Variants in SH3KBP1 observed in about 807,000 individuals in gnomAD.
SH3KBP1 encodes the protein SH3 domain containing kinase binding protein 1, also known as SH3 domain-containing kinase-binding protein 1.
A neutral mutation model predicts 50.1 loss-of-function variants in SH3KBP1; 8 were observed. That is an observed-to-expected ratio of 0.16 (90% CI 0.09 to 0.29). The LOEUF (loss-of-function observed/expected upper bound fraction) is 0.29. Among genes scored for constraint, SH3KBP1 ranks in the 10% least tolerant of loss-of-function variants. The pLI is 1.00. For synonymous variants in SH3KBP1, 227 were observed against 218.6 expected (o/e 1.04, Z -0.34); for missense variants, 377 against 535.2 (o/e 0.70, Z 2.92).
At position 19,755,437 on chromosome X, in the gene SH3KBP1, A is replaced by T. The variant is rs754617083; in HGVS notation, c.163-8996T>A. 5.3e-5 allele frequency among the ~76,000 whole-genome samples: 6 copies of T among 112,150 alleles called. No homozygotes were observed. In the East Asian group the frequency reaches 1.7e-3, roughly 31 times the overall value. On this transcript the variant is annotated intron_variant, in intron 2 of 17. Transcript: ENST00000397821. ...TATAACATAGCAAACAACAACAACG[A>T]CAAAATTCATCAACGAAGACAAAAG...
At chrX:19,880,227 C>A (rs1023632705) in intron 1 of SH3KBP1, among the ~76,000 whole-genome samples, 2 of 113,171 alleles carry the variant, frequency 1.8e-5, no homozygotes, top group African/African-American at 6.4e-5. Context: ...CAGGAACTGT[C>A]AGCAAACAGA....
At chrX:19,557,369 T>C (rs1041946322) in intron 13 of SH3KBP1, among the ~76,000 whole-genome samples, 1 of 112,327 alleles carries the variant, frequency 8.9e-6, no homozygotes, top group African/African-American at 3.2e-5. Flanking sequence ...CATCAAAACG[T>C]GTAGCTCAAG....
chrX:19,877,146 T>C (rs955529807), intron 1 of SH3KBP1, among the ~76,000 whole-genome samples: 13 of 112,262 alleles, frequency 1.2e-4, no homozygotes, highest in African/African-American at 3.9e-4. Context: ...ATCTAATAGT[T>C]TGTTGAGAAC....
At chrX:19,772,114 TA>T (rs1029338136) in intron 2 of SH3KBP1, among the ~76,000 whole-genome samples, 3 of 110,746 alleles carry the variant, frequency 2.7e-5, no homozygotes, top group Non-Finnish European at 5.7e-5. Context: ...GTTGGTGGTT[TA>T]AAAAAAAGGA....
At chrX:19,781,279 G>C (rs894637453) in intron 2 of SH3KBP1, among the ~76,000 whole-genome samples, 1 of 111,238 alleles carries the variant, frequency 9.0e-6, no homozygotes, top group African/African-American at 3.3e-5. Context: ...TGATGGGATT[G>C]TCCTTCTCCA....
At chrX:19,788,981 G>T (rs1167168570) in intron 2 of SH3KBP1, among the ~76,000 whole-genome samples, 1 of 111,275 alleles carries the variant, frequency 9.0e-6, no homozygotes, top group Non-Finnish European at 1.9e-5. Context: ...AAAATTAGCC[G>T]GGCATGGTGG....
intron 3 of SH3KBP1, among the ~76,000 whole-genome samples, chrX:19,724,022 C>T (rs1425500442): frequency 1.8e-5 from 2 of 111,720 alleles, no homozygotes; most frequent in Non-Finnish European, 1.9e-5. Flanking sequence ...TTAAACAAAT[C>T]CCACTTTCCT....
intron 2 of SH3KBP1, among the ~76,000 whole-genome samples, chrX:19,802,269 T>C (rs2066915767): frequency 9.1e-6 from 1 of 109,805 alleles, no homozygotes; most frequent in Non-Finnish European, 1.9e-5. Flanking sequence ...GTGGCGCATG[T>C]CTGTAGTCCC....
chrX:19,757,550 ATTATC>A (rs972961654), intron 2 of SH3KBP1, among the ~76,000 whole-genome samples: 3 of 94,758 alleles, frequency 3.2e-5, no homozygotes, highest in East Asian at 6.0e-4. Context: ...ATTTGTCTAT[ATTATC>A]TTATGTCAAA....
chrX:19,658,630 T>C (rs938276129), intron 6 of SH3KBP1, among the ~76,000 whole-genome samples: 1 of 110,850 alleles, frequency 9.0e-6, no homozygotes, highest in Non-Finnish European at 1.9e-5. Context: ...AGTGGCGCGA[T>C]CTCAGCTCAC....
chrX:19,820,071 C>A (rs1312878871), intron 2 of SH3KBP1, among the ~76,000 whole-genome samples: 1 of 111,860 alleles, frequency 8.9e-6, no homozygotes, highest in African/African-American at 3.2e-5. Context: ...TCAAAGAACA[C>A]CTTTTTTATT....
intron 7 of SH3KBP1, among the ~76,000 whole-genome samples, chrX:19,642,599 A>G (rs1161804164): frequency 8.9e-6 from 1 of 112,134 alleles, no homozygotes; most frequent in East Asian, 2.8e-4. Flanking sequence ...AATATTCAAT[A>G]GCCCTTTGGG....
At chrX:19,647,680 C>T (rs980997757) in intron 6 of SH3KBP1, among the ~76,000 whole-genome samples, 1 of 111,357 alleles carries the variant, frequency 9.0e-6, no homozygotes, top group Non-Finnish European at 1.9e-5. Flanking sequence ...TAGAATATGG[C>T]AAAGTTTCTC....
At chrX:19,577,739 A>C (rs1234993290) in intron 12 of SH3KBP1, among the ~76,000 whole-genome samples, 1 of 107,362 alleles carries the variant, frequency 9.3e-6, no homozygotes, top group African/African-American at 3.4e-5. Flanking sequence ...AGCAGCCACA[A>C]AAAAAAAAAT....
At position 19,765,024 on chromosome X, in the gene SH3KBP1, C is replaced by T. The variant is rs186124503; in HGVS notation, c.163-18583G>A. Among the ~76,000 whole-genome samples, 328 of 72,003 alleles carry T rather than the reference C, an allele frequency of 4.6e-3. 3 individuals carry two copies. The Middle Eastern group carries it at 0.053, about 12-fold the overall frequency. 62.5% of individuals were successfully genotyped at this position (72,003 alleles called of 115,157 possible). A position where few individuals can be genotyped will look rare whatever the true frequency, so the allele number is the denominator to read the frequency against. ...TTTTTTTTTTTTTTTTAAGTAGAGA[C>T]GGGGTTTCACCATGTTGGCCAGGCT... On this transcript the variant is annotated intron_variant, in intron 2 of 17. Coordinates refer to ENST00000397821, the MANE Select transcript of SH3KBP1 (RefSeq NM_031892.3).
At chrX:19,552,908 C>T (rs1005447629) in intron 13 of SH3KBP1, among the ~76,000 whole-genome samples, 6 of 109,245 alleles carry the variant, frequency 5.5e-5, no homozygotes, top group African/African-American at 2.0e-4. Context: ...GTGGAGAGGC[C>T]ACCAAGTGAC....
At chrX:19,708,406 C>T (rs947189587) in intron 3 of SH3KBP1, among the ~76,000 whole-genome samples, 2 of 112,096 alleles carry the variant, frequency 1.8e-5, no homozygotes, top group African/African-American at 6.5e-5. Flanking sequence ...GTCTTAGGAA[C>T]AAACACAGCA....
intron 5 of SH3KBP1, among the ~76,000 whole-genome samples, chrX:19,689,654 T>G (rs2063240220): frequency 8.9e-6 from 1 of 112,132 alleles, no homozygotes; most frequent in Admixed American, 9.4e-5. Context: ...AGGTTATGAA[T>G]ATGAGTGACG....
At chrX:19,689,147 C>T (rs1420808016) in intron 5 of SH3KBP1, among the ~76,000 whole-genome samples, 1 of 112,464 alleles carries the variant, frequency 8.9e-6, no homozygotes, top group East Asian at 2.8e-4. Context: ...ATTCAAATCA[C>T]TGGCTGTGTA....
Sources: allele counts gnomAD v4.1 joint callset (sites outside exome capture counted in the v4.1 genomes callset), GRCh38; gene constraint gnomAD v4.1.1; transcripts MANE v1.5; gene names NCBI Gene and HGNC (gene_info 2026-07-23, HGNC 2026-07-21).